Variants in MYOF observed in about 807,000 individuals in gnomAD.
MYOF encodes myoferlin.
A neutral mutation model predicts 284.2 loss-of-function variants in MYOF; 244 were observed. The ratio of observed to expected loss-of-function variants is 0.86; its 90% CI spans 0.77 to 0.95. The LOEUF is 0.95. Among genes scored for constraint, MYOF ranks in the 40% least tolerant of loss-of-function variants. The probability of loss-of-function intolerance (pLI) is 0.00; values close to 1 mark genes in which losing one functional copy is unlikely to be tolerated. For synonymous variants in MYOF, 904 were observed against 919.7 expected (o/e 0.98, Z 0.31); for missense variants, 2,496 against 2,560.6 (o/e 0.97, Z 0.54).
intron 3 of MYOF, among the ~76,000 whole-genome samples, chr10:93,444,056 G>A (rs1221208747): frequency 6.6e-6 from 1 of 152,150 alleles, no homozygotes; most frequent in Non-Finnish European, 1.5e-5. Context: ...TGTTTCTCTT[G>A]TGTTCTGACC....
rs66923086 is a variant in MYOF, at chr10:93,369,110, C to CTTT, written c.2589+532_2589+534dup. Reference sequence around the variant, plus strand: ...TATTGTTTTAGAAGTATTCAGACAGCTTTTTTTTTTTTTTTTTTTTTTGCC... The same window carrying CTTT: ...TATTGTTTTAGAAGTATTCAGACAGCTTTTTTTTTTTTTTTTTTTTTTTTTGCC... On this transcript the variant is annotated intron_variant, in intron 25 of 53. Transcript: ENST00000359263. Among the ~76,000 whole-genome samples the CTTT allele has an allele frequency of 5.2e-3, 410 of 78,292 alleles. 63 individuals are homozygous for CTTT. The highest frequency in any genetic ancestry group is 0.023 in the African/African-American group (350 of 15,436). 51.4% of individuals were successfully genotyped at this position (78,292 alleles called of 152,430 possible).
intron 37 of MYOF, among the ~76,000 whole-genome samples, chr10:93,347,323 C>T (rs371699541): frequency 2.6e-5 from 4 of 151,546 alleles, no homozygotes; most frequent in African/African-American, 4.8e-5. Flanking sequence ...GAGGCCGAGG[C>T]GGGTGGATCA....
intron 1 of MYOF, among the ~76,000 whole-genome samples, chr10:93,464,256 T>C (rs1023643964): frequency 3.3e-5 from 5 of 152,220 alleles, no homozygotes; most frequent in African/African-American, 4.8e-5. Flanking sequence ...AACTCTTACA[T>C]GAATTTCCAG....
intron 44 of MYOF, 125 bp downstream of exon 44, chr10:93,329,539 A>G: frequency 1.1e-6 from 1 of 937,230 alleles, no homozygotes. Context: ...TGCGATTGAA[A>G]TCCATACCTG....
chr10:93,338,285 C>G, intron 39 of MYOF: 1 of 459,400 alleles, frequency 2.2e-6, no homozygotes, highest in Non-Finnish European at 4.3e-6. Context: ...GTGTTTTCTA[C>G]TATCTCATTT....
intron 1 of MYOF, among the ~76,000 whole-genome samples, chr10:93,459,601 C>T (rs945596457): frequency 1.3e-5 from 2 of 152,150 alleles, no homozygotes; most frequent in Non-Finnish European, 2.9e-5. Flanking sequence ...TGCCACAGTG[C>T]CTTATTGGAA....
intron 1 of MYOF, among the ~76,000 whole-genome samples, chr10:93,470,565 C>G (rs2057122891): frequency 6.6e-6 from 1 of 152,010 alleles, no homozygotes; most frequent in Non-Finnish European, 1.5e-5. Context: ...CCATGCCTGG[C>G]TAATTTTTGT....
chr10:93,399,314 A>G (rs2134078268), intron 13 of MYOF, 78 bp downstream of exon 13: 1 of 1,102,406 alleles, frequency 9.1e-7, no homozygotes, highest in South Asian at 1.5e-5. Context: ...AAGAGTAAGC[A>G]GGAATTCACT....
chr10:93,404,751 C>G (rs1201581708), intron 7 of MYOF, among the ~76,000 whole-genome samples: 1 of 151,492 alleles, frequency 6.6e-6, no homozygotes, highest in Non-Finnish European at 1.5e-5. Flanking sequence ...TTTTAAATTT[C>G]TCTAATATCT....
intron 7 of MYOF, 46 bp from the exon 8 acceptor site, chr10:93,404,265 G>A (rs1005431901): frequency 5.0e-6 from 8 of 1,591,486 alleles, no homozygotes; most frequent in African/African-American, 2.7e-5. Flanking sequence ...CAGGGGATTC[G>A]GGTTAGGGGA....
rs113677091 is a variant in MYOF, at chr10:93,339,789, T to A, written c.4338+364A>T. On this transcript the variant is annotated intron_variant, in intron 39 of 53. Coordinates refer to ENST00000359263, the MANE Select transcript of MYOF (RefSeq NM_013451.4). ...CGGCCCCCCTAGATTTAGAAAAAAATTATTCCCAGGCTGGGCGCAGTGGCT... is the reference window on the plus strand; with the variant it reads ...CGGCCCCCCTAGATTTAGAAAAAAAATATTCCCAGGCTGGGCGCAGTGGCT... Among the ~76,000 whole-genome samples the A allele has an allele frequency of 9.4e-3, 1,429 of 151,906 alleles. 24 individuals are homozygous for A. The highest frequency in any genetic ancestry group is 0.031 in the African/African-American group (1,271 of 41,482).
intron 3 of MYOF, among the ~76,000 whole-genome samples, chr10:93,435,752 A>G (rs1388399553): frequency 1.3e-5 from 2 of 152,136 alleles, no homozygotes; most frequent in African/African-American, 2.4e-5. Context: ...CTTGAGTCCA[A>G]GGAGCTCCAG....
chr10:93,481,437 CAG>C (rs898113759), intron 1 of MYOF, among the ~76,000 whole-genome samples: 1 of 152,052 alleles, frequency 6.6e-6, no homozygotes, highest in Admixed American at 6.6e-5. Context: ...ATTGAGATCC[CAG>C]AGAAATGAAG....
rs1564611404 is a variant in MYOF, at chr10:93,315,048, CTCAACA to C, written c.5698+1660_5698+1665del. ...CCTGGGTGAGAGAGTGAGACTCTGTCTCAACAAACAAAGCCAAGGGCAAACCCTTTA... is the reference window on the plus strand; with the variant it reads ...CCTGGGTGAGAGAGTGAGACTCTGTCAACAAAGCCAAGGGCAAACCCTTTA... On this transcript the variant is annotated intron_variant, in intron 50 of 53. Transcript: ENST00000359263. Among the ~76,000 whole-genome samples the C allele has an allele frequency of 3.8e-3, 574 of 151,708 alleles. 2 individuals carry two copies. The highest frequency in any genetic ancestry group is 0.013 in the African/African-American group (543 of 41,328).
intron 1 of MYOF, among the ~76,000 whole-genome samples, chr10:93,470,100 G>A (rs550317201): frequency 1.8e-4 from 27 of 151,430 alleles, no homozygotes; most frequent in Middle Eastern, 3.4e-3. Context: ...ATGATGGTGC[G>A]CACCTGAAAT....
chr10:93,331,595 G>A (rs112293068), intron 43 of MYOF, among the ~76,000 whole-genome samples: 25 of 152,080 alleles, frequency 1.6e-4, no homozygotes, highest in African/African-American at 4.8e-4. Flanking sequence ...TCTAGACCTC[G>A]GGGCTGGATC....
Position 93,389,076 on chromosome 10 carries a change from T to A in MYOF, c.1535A>T (p.Glu512Val). 2 of 1,614,140 alleles carry A rather than the reference T, an allele frequency of 1.2e-6. No homozygotes were observed. The highest frequency in any genetic ancestry group is 2.7e-5 in the African/African-American group (2 of 75,058). ...ATAGGGGTCTGGGAATCCCGTGTACTCTCTGGGGCTTCCATAAAGATTCAG... is the reference window on the plus strand; with the variant it reads ...ATAGGGGTCTGGGAATCCCGTGTACACTCTGGGGCTTCCATAAAGATTCAG... ...CYLNLYGSPR[E>V]YTGFPDPYDE... Residue 512 changes from glutamate to valine, a missense_variant, in exon 18 of 54, where the codon GAG becomes GTG. By Grantham distance (121) the Glu-to-Val change is moderately radical. Around this residue, in one of 3 missense-constraint regions of MYOF, gnomAD observed 2,436 missense variants for 2,480.7 expected, o/e 0.98. Transcript: ENST00000359263.
Position 93,392,959 on chromosome 10 carries a change from T to G in MYOF, c.1418-4A>C. The G allele has an allele frequency of 1.2e-6, 2 of 1,609,950 alleles. No homozygotes were observed. Among genetic ancestry groups the G allele is most frequent in the Non-Finnish European group, 1.7e-6 (2 of 1,176,348 alleles). On this transcript the variant is annotated splice_region_variant and splice_polypyrimidine_tract_variant and intron_variant, in intron 16 of 53. Transcript: ENST00000359263. ...CCAGTTCCCGAAGATGAGAAATCTA[T>G]ATAGTAAAAATATGACTGGTTAAAC...
intron 2 of MYOF, among the ~76,000 whole-genome samples, chr10:93,453,261 G>A (rs1405732949): frequency 2.0e-5 from 3 of 152,086 alleles, no homozygotes; most frequent in African/African-American, 7.2e-5. Context: ...CACTTCCCGG[G>A]TTCAAGCAAT....
Sources: allele counts gnomAD v4.1 joint callset (sites outside exome capture counted in the v4.1 genomes callset), GRCh38; gene constraint gnomAD v4.1.1; regional missense constraint gnomAD v4.1.1; transcripts MANE v1.5; gene names NCBI Gene and HGNC (gene_info 2026-07-23, HGNC 2026-07-21).